SH3PXD2B: variants seen among roughly 807,000 people sequenced by gnomAD.
SH3PXD2B encodes SH3 and PX domain-containing protein 2B.
In SH3PXD2B, 37 loss-of-function variants were observed where a neutral mutation model predicts 73.1. The observed-to-expected ratio is 0.51, with a 90% CI of 0.39 to 0.67. SH3PXD2B has a LOEUF of 0.67. Among genes scored for constraint, SH3PXD2B ranks in the 30% least tolerant of loss-of-function variants. The probability of loss-of-function intolerance (pLI) is 0.00; values close to 1 mark genes in which losing one functional copy is unlikely to be tolerated. For missense variants in SH3PXD2B, 1,053 were observed against 1,197.8 expected (o/e 0.88, Z 1.78); for synonymous variants, 457 against 480.5 (o/e 0.95, Z 0.64).
rs1758884568 is a variant in SH3PXD2B at position 172,418,817 on chromosome 5, T to G, written c.156+3599A>C. Among the ~76,000 whole-genome samples the G allele has an allele frequency of 2.0e-5, 3 of 152,182 alleles. No individual in the cohort carries two copies. The South Asian group carries it at 6.2e-4, about 32-fold the overall frequency. ...GAAGCCTGTCACGGCAACCCCCCAG[T>G]TATTACCGATTATGCTGAGCATGGA... On this transcript the variant is annotated intron_variant, in intron 2 of 12. Transcript: ENST00000311601.
At chr5:172,406,401 A>G (rs1185409554) in intron 2 of SH3PXD2B, 49 bp from the exon 3 acceptor site, 2 of 1,567,432 alleles carry the variant, frequency 1.3e-6, no homozygotes, top group Admixed American at 3.3e-5. Flanking sequence ...TAATGCACTA[A>G]ACATCATCTA....
chr5:172,333,371 G>T (rs1162200969), downstream of SH3PXD2B: 1 of 393,628 alleles, frequency 2.5e-6, no homozygotes, highest in African/African-American at 2.2e-5. Flanking sequence ...CCAGAGAGGG[G>T]TCGCCCCTAT....
At chr5:172,381,369 T>C (rs1349424365) in intron 5 of SH3PXD2B, among the ~76,000 whole-genome samples, 1 of 152,220 alleles carries the variant, frequency 6.6e-6, no homozygotes, top group Non-Finnish European at 1.5e-5. Context: ...ATTTCTCCGT[T>C]AGCCAGATCC....
chr5:172,332,853 C>T (rs1400419091), downstream of SH3PXD2B, among the ~76,000 whole-genome samples: 1 of 151,850 alleles, frequency 6.6e-6, no homozygotes, highest in African/African-American at 2.4e-5. Context: ...CAGTGTGCTC[C>T]ACCTCCCAGG....
At chr5:172,332,567 C>T (rs2113225280), downstream of SH3PXD2B, among the ~76,000 whole-genome samples, 1 of 141,834 alleles carries the variant, frequency 7.1e-6, no homozygotes, top group Non-Finnish European at 1.5e-5. Flanking sequence ...TTCTGTTTTT[C>T]TCCTTCTAAT....
chr5:172,446,067 G>A (rs1387520303), intron 1 of SH3PXD2B, among the ~76,000 whole-genome samples: 1 of 152,178 alleles, frequency 6.6e-6, no homozygotes, highest in African/African-American at 2.4e-5. Context: ...GTGGGCAAAG[G>A]ATGCCAGCTC....
chr5:172,328,404 G>T (rs913074969), intron 12 of SH3PXD2B, among the ~76,000 whole-genome samples: 1 of 151,914 alleles, frequency 6.6e-6, no homozygotes, highest in Non-Finnish European at 1.5e-5. Context: ...GCACCCAGCC[G>T]CCTAGGCTGA....
chr5:172,333,723 C>T lies in SH3PXD2B; in HGVS notation c.*4646G>A, dbSNP rs545853222. 7 of 1,289,436 alleles carry T rather than the reference C, an allele frequency of 5.4e-6. 1 individual carries two copies. The highest frequency in any genetic ancestry group is 5.6e-5 in the East Asian group (1 of 18,012). 79.9% of individuals were successfully genotyped at this position (1,289,436 alleles called of 1,614,324 possible). ...GTAGAGTAAGTGTGGGGATCTCCAG[C>T]GTCATCCTATGAGCAGACACGAGGT... On this transcript the variant is annotated 3_prime_UTR_variant, in exon 13 of 13. Transcript: ENST00000311601.
intron 4 of SH3PXD2B, among the ~76,000 whole-genome samples, chr5:172,382,390 C>G (rs557777681): frequency 6.6e-6 from 1 of 152,112 alleles, no homozygotes; most frequent in East Asian, 1.9e-4. Context: ...TGCCATATAC[C>G]ACCAGTGGCT....
chr5:172,361,373 A>T (rs2731707), intron 7 of SH3PXD2B, among the ~76,000 whole-genome samples: 27,324 of 152,156 alleles, frequency 0.18, 2,795 homozygotes, highest in Non-Finnish European at 0.24. Context: ...TATTACTTGG[A>T]TAAGTACAAT....
At chr5:172,350,230 C>G in intron 10 of SH3PXD2B, 133 bp downstream of exon 10, 1 of 830,448 alleles carries the variant, frequency 1.2e-6, no homozygotes. Flanking sequence ...GTTTCTGGGC[C>G]TCTGTTTTCT....
intron 1 of SH3PXD2B, among the ~76,000 whole-genome samples, chr5:172,436,766 C>T (rs1412933734): frequency 6.6e-6 from 1 of 152,250 alleles, no homozygotes; most frequent in Non-Finnish European, 1.5e-5. Context: ...AGCGGGTCAT[C>T]AGGCTGTGAT....
At chr5:172,357,219 T>C (rs534860320) in intron 8 of SH3PXD2B, among the ~76,000 whole-genome samples, 64 of 148,726 alleles carry the variant, frequency 4.3e-4, no homozygotes, top group African/African-American at 1.4e-3. Flanking sequence ...AGGTCAGGAG[T>C]TCGAGATCAG....
chr5:172,382,365 G>T (rs1757968998), intron 4 of SH3PXD2B, among the ~76,000 whole-genome samples: 1 of 152,076 alleles, frequency 6.6e-6, no homozygotes, highest in African/African-American at 2.4e-5. Context: ...AAAGGAAGGA[G>T]ACGGGTGTTA....
intron 3 of SH3PXD2B, among the ~76,000 whole-genome samples, chr5:172,399,761 G>T (rs1329263829): frequency 6.6e-6 from 1 of 152,074 alleles, no homozygotes; most frequent in Non-Finnish European, 1.5e-5. Context: ...GCTTACACTG[G>T]GTTTTATTTA....
intron 5 of SH3PXD2B, among the ~76,000 whole-genome samples, chr5:172,376,030 C>CTTTTTT (rs371476674): frequency 7.3e-6 from 1 of 136,174 alleles, no homozygotes; most frequent in Non-Finnish European, 1.6e-5. Context: ...CATGTATCTT[C>CTTTTTT]TTTTTTTTTT....
At chr5:172,341,585 G>T (rs1316201415) in intron 12 of SH3PXD2B, among the ~76,000 whole-genome samples, 2 of 152,190 alleles carry the variant, frequency 1.3e-5, no homozygotes, top group Non-Finnish European at 2.9e-5. Context: ...CATGCTTTCT[G>T]TACAGCATGC....
chr5:172,379,342 A>AT (rs1243315354), intron 5 of SH3PXD2B, among the ~76,000 whole-genome samples: 1 of 150,850 alleles, frequency 6.6e-6, no homozygotes, highest in Non-Finnish European at 1.5e-5. Context: ...AAGAAGAGAC[A>AT]TAAGAGAGCT....
chr5:172,389,581 A>AAAAG (rs1477146864), intron 4 of SH3PXD2B, among the ~76,000 whole-genome samples: 1 of 151,306 alleles, frequency 6.6e-6, no homozygotes, highest in East Asian at 1.9e-4. Flanking sequence ...AAAAAAAAAA[A>AAAAG]AAAAAAAATT....
Sources: gnomAD v4.1 joint callset for allele counts (sites outside exome capture counted in the v4.1 genomes callset) on GRCh38, gnomAD v4.1.1 for gene constraint, MANE v1.5 for transcripts, NCBI Gene and HGNC (gene_info 2026-07-23, HGNC 2026-07-21) for gene names.